The following DNM3 variants were observed in gnomAD, a reference collection of about 807,000 sequenced individuals.
The protein encoded by DNM3 is dynamin-3.
A neutral mutation model predicts 101.6 loss-of-function variants in DNM3; 47 were observed. The observed-to-expected ratio is 0.46, with a 90% CI of 0.37 to 0.59. DNM3 has a LOEUF of 0.59. DNM3 is among the 20% of genes least tolerant of loss of function. The pLI, the probability that DNM3 is intolerant of heterozygous loss-of-function variation, is 0.00. For missense variants in DNM3, 849 were observed against 1,085.7 expected, an observed-to-expected ratio of 0.78 and a Z score of 3.06; for synonymous variants, 385 against 387.9, an observed-to-expected ratio of 0.99 and a Z score of 0.09.
intron 15 of DNM3, among the ~76,000 whole-genome samples, chr1:172,273,981 G>T (rs548685728): frequency 6.6e-6 from 1 of 152,174 alleles, no homozygotes; most frequent in African/African-American, 2.4e-5. Flanking sequence ...TATTGCATAA[G>T]TAAGTCTGTT....
intron 17 of DNM3, among the ~76,000 whole-genome samples, chr1:172,325,663 A>G (rs2065910075): frequency 6.6e-6 from 1 of 152,160 alleles, no homozygotes; most frequent in Non-Finnish European, 1.5e-5. Flanking sequence ...GGATTCTTCA[A>G]AAGGAGAATA....
In DNM3 at chr1:172,293,484, A is replaced by C. The variant is rs543244264; in HGVS notation, c.1770-15244A>C. ...TGGTTGTAATAGTGGAATTATTCAG[A>C]AGCTCATATCTGCATGATTGCAGCT... On this transcript the variant is annotated intron_variant, in intron 15 of 20. Coordinates refer to ENST00000627582, the MANE Select transcript of DNM3 (RefSeq NM_015569.5). 2.5e-3 allele frequency among the ~76,000 whole-genome samples: 387 copies of C among 152,360 alleles called. 2 individuals carry two copies. In the Middle Eastern group the frequency reaches 0.037, roughly 15 times the overall value.
At chr1:172,189,074 C>T (rs889480394) in intron 14 of DNM3, among the ~76,000 whole-genome samples, 1 of 151,932 alleles carries the variant, frequency 6.6e-6, no homozygotes, top group South Asian at 2.1e-4. Context: ...AGTTCTTTTT[C>T]GAGTAGACTT....
intron 1 of DNM3, among the ~76,000 whole-genome samples, chr1:171,881,666 CCT>C (rs2036279436): frequency 6.6e-6 from 1 of 152,148 alleles, no homozygotes; most frequent in South Asian, 2.1e-4. Flanking sequence ...AAATGGCAGA[CCT>C]CTCGGTACAG....
chr1:172,143,060 G>A (rs1259664331), intron 14 of DNM3, among the ~76,000 whole-genome samples: 1 of 152,032 alleles, frequency 6.6e-6, no homozygotes, highest in Admixed American at 6.6e-5. Context: ...ATGAATATAT[G>A]AGAATACTTA....
chr1:172,400,521 T>C (rs2070398186), intron 20 of DNM3, among the ~76,000 whole-genome samples: 1 of 152,036 alleles, frequency 6.6e-6, no homozygotes, highest in South Asian at 2.1e-4. Flanking sequence ...CTTGTAAATC[T>C]CTGTAAAACC....
intron 16 of DNM3, among the ~76,000 whole-genome samples, chr1:172,322,598 A>G (rs2065769786): frequency 6.6e-6 from 1 of 152,250 alleles, no homozygotes; most frequent in Non-Finnish European, 1.5e-5. Context: ...GCTTTTAGAA[A>G]TGACTACATT....
At chr1:172,381,050 C>A (rs1573671858) in intron 18 of DNM3, 2 of 108,480 alleles carry the variant, frequency 1.8e-5, no homozygotes. Context: ...GAAAAACATA[C>A]ACACATGCAC....
chr1:172,322,417 G>C (rs1184849441), intron 16 of DNM3, among the ~76,000 whole-genome samples: 1 of 152,196 alleles, frequency 6.6e-6, no homozygotes, highest in Non-Finnish European at 1.5e-5. Flanking sequence ...ATCTGACCTT[G>C]TGAGGACTTG....
chr1:172,281,608 G>A (rs529491984), intron 15 of DNM3, among the ~76,000 whole-genome samples: 41 of 152,078 alleles, frequency 2.7e-4, no homozygotes, highest in South Asian at 8.3e-4. Context: ...AATAGCTGTC[G>A]TATTTAATAT....
chr1:172,340,239 C>T (rs76239712), intron 17 of DNM3, among the ~76,000 whole-genome samples: 2,509 of 152,238 alleles, frequency 0.016, 89 homozygotes, highest in African/African-American at 0.057. Flanking sequence ...GGTTAGATTC[C>T]TTCTGGGAAT....
chr1:172,244,592 A>G (rs1234118882), intron 14 of DNM3, among the ~76,000 whole-genome samples: 2 of 152,184 alleles, frequency 1.3e-5, no homozygotes, highest in African/African-American at 4.8e-5. Context: ...CAGCCAAAAA[A>G]CACATGAAAA....
chr1:172,153,400 G>A (rs1034951092), intron 14 of DNM3, among the ~76,000 whole-genome samples: 2 of 152,124 alleles, frequency 1.3e-5, no homozygotes, highest in Admixed American at 1.3e-4. Context: ...GAGAATAGGA[G>A]CAGAGAATAT....
chr1:171,914,694 T>C (rs2039575011), intron 1 of DNM3, among the ~76,000 whole-genome samples: 1 of 152,344 alleles, frequency 6.6e-6, no homozygotes, highest in South Asian at 2.1e-4. Context: ...TTGCCTATTC[T>C]TTTGGTCCAT....
At chr1:172,217,293 T>A (rs1346669250) in intron 14 of DNM3, among the ~76,000 whole-genome samples, 2 of 152,130 alleles carry the variant, frequency 1.3e-5, no homozygotes, top group Non-Finnish European at 2.9e-5. Context: ...CCCTGTCCCT[T>A]TGAGGAGCAA....
At chr1:172,288,020 G>C (rs910407255) in intron 15 of DNM3, among the ~76,000 whole-genome samples, 69 of 152,154 alleles carry the variant, frequency 4.5e-4, no homozygotes, top group African/African-American at 1.6e-3. Flanking sequence ...GGGATACTAA[G>C]CTAATTCAAC....
chr1:171,865,681 A>G lies in DNM3; in HGVS notation c.161+23864A>G, dbSNP rs12045882. On this transcript the variant is annotated intron_variant, in intron 1 of 20. Transcript: ENST00000627582. ...ACCCCATTAGGGGAAAAAGTGAAAT[A>G]TGATCACTTAGACAGTTTTGTTATC... Among the ~76,000 whole-genome samples, 74 of 152,326 alleles carry G rather than the reference A, an allele frequency of 4.9e-4. No individual in the cohort carries two copies. The East Asian group carries it at 0.013, about 27-fold the overall frequency.
At chr1:171,844,269 T>C (rs987377420) in intron 1 of DNM3, among the ~76,000 whole-genome samples, 1 of 152,240 alleles carries the variant, frequency 6.6e-6, no homozygotes, top group Non-Finnish European at 1.5e-5. Context: ...AAACAGTTTC[T>C]TTCCTAAGGA....
intron 12 of DNM3, among the ~76,000 whole-genome samples, chr1:172,086,833 A>G (rs1251367575): frequency 6.6e-6 from 1 of 152,168 alleles, no homozygotes; most frequent in Non-Finnish European, 1.5e-5. Context: ...TGATGGAACT[A>G]TCGTATAATC....
Sources: allele counts gnomAD v4.1 joint callset (sites outside exome capture counted in the v4.1 genomes callset), GRCh38; gene constraint gnomAD v4.1.1; transcripts MANE v1.5; gene names NCBI Gene and HGNC (gene_info 2026-07-23, HGNC 2026-07-21).